POFUT3: variants seen among roughly 807,000 people sequenced by gnomAD.
POFUT3 encodes the protein protein O-fucosyltransferase 3.
At chr8:33,420,293 C>T in the POFUT3 span, among the ~76,000 whole-genome samples, 5 of 151,796 alleles carry the variant, frequency 3.3e-5, no homozygotes, top group East Asian at 9.7e-4. Context: ...ATAAAATATA[C>T]AAAAAAATGT....
the POFUT3 span, among the ~76,000 whole-genome samples, chr8:33,352,272 G>A: frequency 1.4e-4 from 21 of 152,302 alleles, no homozygotes; most frequent in South Asian, 2.1e-3. Context: ...CTGTCACTAC[G>A]TGAGATTTTG....
chr8:33,323,672 T>C, the POFUT3 span, among the ~76,000 whole-genome samples: 4 of 152,218 alleles, frequency 2.6e-5, no homozygotes, highest in African/African-American at 9.6e-5. Flanking sequence ...AATCAGAAGT[T>C]TGGGAAGGGA....
chr8:33,428,340 G>A, the POFUT3 span, among the ~76,000 whole-genome samples: 8 of 152,150 alleles, frequency 5.3e-5, no homozygotes, highest in Admixed American at 1.3e-4. Flanking sequence ...TTATGTTAAA[G>A]GAGAAGCTAA....
At chr8:33,394,725 T>TA in the POFUT3 span, among the ~76,000 whole-genome samples, 12 of 151,706 alleles carry the variant, frequency 7.9e-5, no homozygotes, top group African/African-American at 2.9e-4. Flanking sequence ...AATGCTCATA[T>TA]AAATCCATCT....
chr8:33,461,373 T>C, the POFUT3 span: 6,121 of 1,607,798 alleles, frequency 3.8e-3, 19 homozygotes, highest in Non-Finnish European at 4.5e-3. Context: ...TCTTGGTACC[T>C]GGAGTGTGAC....
chr8:33,398,836 A>C, the POFUT3 span, among the ~76,000 whole-genome samples: 3 of 152,222 alleles, frequency 2.0e-5, no homozygotes, highest in Admixed American at 6.5e-5. Context: ...AGTACAAAGG[A>C]AAAGATAAGG....
chr8:33,314,829 G>A, the POFUT3 span, among the ~76,000 whole-genome samples: 1 of 152,084 alleles, frequency 6.6e-6, no homozygotes, highest in Admixed American at 6.6e-5. Context: ...CTCCTCATCT[G>A]CCAAACAGTG....
the POFUT3 span, among the ~76,000 whole-genome samples, chr8:33,435,405 A>T: frequency 7.9e-5 from 12 of 152,128 alleles, no homozygotes; most frequent in African/African-American, 2.4e-4. Flanking sequence ...TTTAGTAGAG[A>T]TGGGGTTTCA....
the POFUT3 span, chr8:33,389,273 A>ATATAAACTGGAGG: frequency 6.2e-7 from 1 of 1,613,972 alleles, no homozygotes; most frequent in South Asian, 1.1e-5. Context: ...TACAGGGACT[A>ATATAAACTGGAGG]CCCCCAGTTT....
chr8:33,320,209 G>T, the POFUT3 span, among the ~76,000 whole-genome samples: 1 of 151,860 alleles, frequency 6.6e-6, no homozygotes, highest in Non-Finnish European at 1.5e-5. Context: ...TATGGAAGGG[G>T]GGCATCTGAT....
chr8:33,392,400 A>G, the POFUT3 span, among the ~76,000 whole-genome samples: 1 of 151,730 alleles, frequency 6.6e-6, no homozygotes, highest in African/African-American at 2.4e-5. Context: ...ACATGGTGAA[A>G]CCCCATCTCT....
the POFUT3 span, among the ~76,000 whole-genome samples, chr8:33,393,735 G>A: frequency 6.6e-6 from 1 of 152,170 alleles, no homozygotes; most frequent in Non-Finnish European, 1.5e-5. Flanking sequence ...GGGACGACAG[G>A]CCCTGCTGCA....
At chr8:33,451,169 A>AT in the POFUT3 span, among the ~76,000 whole-genome samples, 4 of 150,666 alleles carry the variant, frequency 2.7e-5, no homozygotes, top group Admixed American at 6.6e-5. Flanking sequence ...TAGATTTTGG[A>AT]TTTTTTTTTA....
chr8:33,337,214 A>C, the POFUT3 span, among the ~76,000 whole-genome samples: 2 of 152,260 alleles, frequency 1.3e-5, no homozygotes, highest in East Asian at 3.9e-4. Flanking sequence ...CTGTTTTAAA[A>C]CCGGAAAAAT....
the POFUT3 span, among the ~76,000 whole-genome samples, chr8:33,311,813 T>G: frequency 6.6e-6 from 1 of 152,120 alleles, no homozygotes; most frequent in Non-Finnish European, 1.5e-5. Flanking sequence ...TTGTGGTGGA[T>G]AGAATCATGT....
At chr8:33,362,521 C>A in the POFUT3 span, among the ~76,000 whole-genome samples, 1 of 152,034 alleles carries the variant, frequency 6.6e-6, no homozygotes, top group Non-Finnish European at 1.5e-5. Flanking sequence ...TTCAGGAGAC[C>A]CGTCTCACGT....
At chr8:33,373,770 T>C in the POFUT3 span, among the ~76,000 whole-genome samples, 1 of 151,988 alleles carries the variant, frequency 6.6e-6, no homozygotes. Context: ...AGAAACACCA[T>C]TAAAATGAGA....
chr8:33,316,755 A>G, the POFUT3 span, among the ~76,000 whole-genome samples: 2 of 150,910 alleles, frequency 1.3e-5, no homozygotes. Flanking sequence ...AAAAAAAAAC[A>G]AGGAAAGGAA....
the POFUT3 span, among the ~76,000 whole-genome samples, chr8:33,423,409 C>T: frequency 6.6e-6 from 1 of 152,048 alleles, no homozygotes; most frequent in South Asian, 2.1e-4. Flanking sequence ...GATAGGACTA[C>T]AGGTTCATGC....
Sources: allele counts gnomAD v4.1 joint callset (sites outside exome capture counted in the v4.1 genomes callset), GRCh38; gene constraint gnomAD v4.1.1; transcripts MANE v1.5; gene names NCBI Gene and HGNC (gene_info 2026-07-23, HGNC 2026-07-21).